Variants in GALNT17 observed in about 807,000 individuals in gnomAD.
GALNT17 encodes UDP-GalNAc:polypeptide N-acetylgalactosaminyltransferase-like 3.
In GALNT17, 29 loss-of-function variants were observed where a neutral mutation model predicts 63.7. The ratio of observed to expected loss-of-function variants is 0.46; its 90% confidence interval spans 0.34 to 0.62. The LOEUF (loss-of-function observed/expected upper bound fraction) is 0.62. Ranked by LOEUF, GALNT17 falls within the 20% of genes least tolerant of loss-of-function variation. The pLI is 0.01. For synonymous variants in GALNT17, 305 were observed against 318.3 expected (o/e 0.96, Z 0.45); for missense variants, 603 against 799.6 (o/e 0.75, Z 2.97).
At chr7:71,378,186 C>A (rs1413705258) in intron 2 of GALNT17, among the ~76,000 whole-genome samples, 4 of 152,152 alleles carry the variant, frequency 2.6e-5, no homozygotes, top group Non-Finnish European at 4.4e-5. Flanking sequence ...TGTGAGGGAA[C>A]TGAGCTAATG....
At chr7:71,276,222 G>A (rs1449859982) in intron 1 of GALNT17, among the ~76,000 whole-genome samples, 1 of 152,160 alleles carries the variant, frequency 6.6e-6, no homozygotes, top group African/African-American at 2.4e-5. Flanking sequence ...GGGTAGCAGG[G>A]CAGGTGGCTG....
At chr7:71,699,370 G>A (rs545717469) in intron 9 of GALNT17, among the ~76,000 whole-genome samples, 56 of 151,592 alleles carry the variant, frequency 3.7e-4, no homozygotes, top group Admixed American at 1.8e-3. Context: ...CAGCTACTCC[G>A]GAGTCTGAGG....
At chr7:71,413,543 A>ATTT (rs10650177) in intron 3 of GALNT17, among the ~76,000 whole-genome samples, 2 of 148,520 alleles carry the variant, frequency 1.3e-5, no homozygotes, top group African/African-American at 2.5e-5. Context: ...TATTTTTTGT[A>ATTT]TTTTTTTTTT....
chr7:71,586,407 C>G (rs896460018), intron 6 of GALNT17, among the ~76,000 whole-genome samples: 1 of 152,158 alleles, frequency 6.6e-6, no homozygotes, highest in Non-Finnish European at 1.5e-5. Context: ...CAATATATGA[C>G]AATTTGTTTA....
At chr7:71,278,932 T>TTC (rs1790731360) in intron 1 of GALNT17, among the ~76,000 whole-genome samples, 1 of 151,486 alleles carries the variant, frequency 6.6e-6, no homozygotes, top group Non-Finnish European at 1.5e-5. Flanking sequence ...TCTTCTTCTT[T>TTC]TTTTTTTTAA....
Position 71,571,289 on chromosome 7 carries a change from C to T in GALNT17, c.967C>T (p.Pro323Ser). The change falls in exon 6 of 11, where the codon CCA becomes TCA. Residue 323 changes from proline to serine, a missense_variant. Transcript: ENST00000333538. Reference protein sequence around the residue: ...AGDPSLPIRTPAMIGCSFVVN... With the variant: ...AGDPSLPIRTSAMIGCSFVVN... The stretch of plus-strand genomic sequence containing the variant: ...CCTTCTTTCTCCCTCCCTCAGGACC[C>T]CAGCCATGATAGGCTGCTCGTTCGT... 2 of 1,613,978 alleles carry T rather than the reference C, an allele frequency of 1.2e-6. No homozygotes were observed. The highest frequency in any genetic ancestry group is 1.7e-6 in the Non-Finnish European group (2 of 1,179,874).
chr7:71,584,879 G>A (rs1357987), intron 6 of GALNT17, among the ~76,000 whole-genome samples: 38,959 of 151,886 alleles, frequency 0.26, 5,099 homozygotes, highest in Admixed American at 0.27. Context: ...CTCAGCCTCC[G>A]GAGTAGCTGG....
chr7:71,259,797 A>G (rs1162664837), intron 1 of GALNT17, among the ~76,000 whole-genome samples: 5 of 151,540 alleles, frequency 3.3e-5, no homozygotes, highest in African/African-American at 1.2e-4. Context: ...GCCCACCACC[A>G]CGCCTGGCTA....
chr7:71,492,310 TG>T lies in GALNT17; in HGVS notation c.962+71206del, dbSNP rs1301163519. On this transcript the variant is annotated intron_variant, in intron 5 of 10. Transcript: ENST00000333538. ...ATAAATAAATTAATTAAATTAAATA[TG>T]AATAAAATGGAGGCATGATTTGGAA... 2.0e-5 allele frequency among the ~76,000 whole-genome samples: 3 copies of T among 152,212 alleles called. No individual in the cohort carries two copies. In the East Asian group the frequency reaches 5.8e-4, roughly 29 times the overall value.
At chr7:71,414,250 A>G (rs1439937695) in intron 3 of GALNT17, among the ~76,000 whole-genome samples, 1 of 152,176 alleles carries the variant, frequency 6.6e-6, no homozygotes, top group East Asian at 1.9e-4. Context: ...TCAAAACGTA[A>G]AAATAAATAA....
At chr7:71,292,534 A>G (rs996740248) in intron 1 of GALNT17, among the ~76,000 whole-genome samples, 1 of 152,178 alleles carries the variant, frequency 6.6e-6, no homozygotes, top group African/African-American at 2.4e-5. Flanking sequence ...TAAAAATTGT[A>G]TATATTCAAG....
At chr7:71,392,089 A>C (rs1324300382) in intron 3 of GALNT17, among the ~76,000 whole-genome samples, 1 of 152,206 alleles carries the variant, frequency 6.6e-6, no homozygotes, top group Non-Finnish European at 1.5e-5. Context: ...ATTGGGGGTC[A>C]CATTTCAACA....
At chr7:71,399,457 C>G (rs1793201922) in intron 3 of GALNT17, among the ~76,000 whole-genome samples, 1 of 152,208 alleles carries the variant, frequency 6.6e-6, no homozygotes. Flanking sequence ...TGTCACACAT[C>G]TGTCACTTGG....
chr7:71,486,372 ATAATAATAATAATAATAG>A (rs1436752484), intron 5 of GALNT17, among the ~76,000 whole-genome samples: 3 of 145,984 alleles, frequency 2.1e-5, no homozygotes, highest in African/African-American at 7.5e-5. Flanking sequence ...AATAATAATA[ATAATAATAATAATAATAG>A]TAAATAATAT....
intron 1 of GALNT17, among the ~76,000 whole-genome samples, chr7:71,223,149 T>C (rs1185364362): frequency 1.3e-5 from 2 of 152,210 alleles, no homozygotes; most frequent in Admixed American, 6.5e-5. Flanking sequence ...TTTCTTCTTA[T>C]GTAATTAATA....
chr7:71,315,222 A>T (rs1326408377), intron 1 of GALNT17, among the ~76,000 whole-genome samples: 2 of 152,186 alleles, frequency 1.3e-5, no homozygotes, highest in African/African-American at 4.8e-5. Flanking sequence ...TTTTATAGTC[A>T]AATCATATTC....
At chr7:71,638,972 T>A (rs557829657) in intron 6 of GALNT17, among the ~76,000 whole-genome samples, 10 of 152,072 alleles carry the variant, frequency 6.6e-5, no homozygotes, top group African/African-American at 2.2e-4. Context: ...TAAGGATGGT[T>A]AATGGGTAAA....
At chr7:71,369,312 G>T (rs916560533) in intron 2 of GALNT17, among the ~76,000 whole-genome samples, 2 of 152,134 alleles carry the variant, frequency 1.3e-5, no homozygotes, top group Non-Finnish European at 1.5e-5. Flanking sequence ...GATGCAAAGG[G>T]TAAGAGTCAG....
At chr7:71,702,155 G>T (rs886880282) in intron 9 of GALNT17, among the ~76,000 whole-genome samples, 6 of 151,722 alleles carry the variant, frequency 4.0e-5, no homozygotes, top group Non-Finnish European at 8.8e-5. Context: ...GGAGGGTAAG[G>T]GTTGAAAAGT....
Sources: gnomAD v4.1 joint callset for allele counts (sites outside exome capture counted in the v4.1 genomes callset) on GRCh38, gnomAD v4.1.1 for gene constraint, MANE v1.5 for transcripts, NCBI Gene and HGNC (gene_info 2026-07-23, HGNC 2026-07-21) for gene names.